FAM186B: variants seen among roughly 807,000 people sequenced by gnomAD.
FAM186B encodes family with sequence similarity 186 member B, also known as protein FAM186B.
Under a neutral mutation model 83.4 loss-of-function variants are expected in FAM186B, and 68 were observed. The observed-to-expected ratio is 0.81, with a 90% CI of 0.67 to 1.00. FAM186B has a LOEUF of 1.00. Ranked by LOEUF, FAM186B falls within the 50% of genes least tolerant of loss-of-function variation. The pLI is 0.00. For missense variants in FAM186B, 983 were observed against 1,099.2 expected (o/e 0.89, Z 1.49); for synonymous variants, 389 against 422.0 (o/e 0.92, Z 0.96).
At position 49,598,739 on chromosome 12, in the gene FAM186B, A is replaced by C; in HGVS notation, c.2364+16T>G. On this transcript the variant is annotated intron_variant, in intron 5 of 6. Coordinates refer to ENST00000257894, the MANE Select transcript of FAM186B (RefSeq NM_032130.3). ...CAGGAGGCGGAGTGGCGGGGGGGTC[A>C]GGGCGGGAGGCCCACCTTGGGGAAC... The C allele has an allele frequency of 6.5e-7, 1 of 1,545,382 alleles. No homozygotes were observed.
the FAM186B span, among the ~76,000 whole-genome samples, chr12:49,622,140 T>C: frequency 1.3e-5 from 2 of 152,264 alleles, no homozygotes; most frequent in African/African-American, 2.4e-5. Flanking sequence ...CCAGCTGCGC[T>C]GGCATCGCGG....
Position 49,603,897 on chromosome 12 carries a change from G to C in FAM186B, c.322+416C>G, listed in dbSNP as rs188809249. Among the ~76,000 whole-genome samples the C allele has an allele frequency of 3.3e-5, 5 of 152,252 alleles. No individual in the cohort carries two copies. The East Asian group carries it at 7.7e-4, about 24-fold the overall frequency. ...GTGATGGGATGACTCTGAGCTGAGT[G>C]GGGGGTAGCACTTAGCTTTAGGGTT... On this transcript the variant is annotated intron_variant, in intron 2 of 6. Coordinates refer to ENST00000257894, the MANE Select transcript of FAM186B (RefSeq NM_032130.3).
the FAM186B span, among the ~76,000 whole-genome samples, chr12:49,616,178 C>G: frequency 6.6e-6 from 1 of 151,890 alleles, no homozygotes; most frequent in Non-Finnish European, 1.5e-5. Flanking sequence ...TACAGGTGCC[C>G]GCCACCATGC....
At chr12:49,585,239 C>CA (rs1939416601), downstream of FAM186B, among the ~76,000 whole-genome samples, 1 of 152,112 alleles carries the variant, frequency 6.6e-6, no homozygotes, top group Non-Finnish European at 1.5e-5. Context: ...AGGATGGTCT[C>CA]AATCTCCTGA....
chr12:49,597,318 G>A (rs1436675337), intron 5 of FAM186B, among the ~76,000 whole-genome samples: 1 of 152,184 alleles, frequency 6.6e-6, no homozygotes, highest in African/African-American at 2.4e-5. Flanking sequence ...CAATATGGTT[G>A]GCCCCGGAGG....
At chr12:49,594,826 G>T (rs2138266113) in intron 5 of FAM186B, among the ~76,000 whole-genome samples, 1 of 151,008 alleles carries the variant, frequency 6.6e-6, no homozygotes, top group South Asian at 2.1e-4. Context: ...AGTGAGCCAA[G>T]ATAGCACAAC....
At chr12:49,599,263 C>T (rs904373326) in intron 4 of FAM186B, among the ~76,000 whole-genome samples, 1 of 152,188 alleles carries the variant, frequency 6.6e-6, no homozygotes, top group Admixed American at 6.5e-5. Context: ...GAGCAGTGCT[C>T]AGTGCCCTTC....
At chr12:49,603,047 C>T in intron 3 of FAM186B, 138 bp downstream of exon 3, 1 of 910,362 alleles carries the variant, frequency 1.1e-6, no homozygotes, top group Non-Finnish European at 1.7e-6. Flanking sequence ...CAGCCCCTCA[C>T]CACTGCCCAT....
At chr12:49,617,155 G>A in the FAM186B span, among the ~76,000 whole-genome samples, 29 of 152,268 alleles carry the variant, frequency 1.9e-4, no homozygotes, top group Admixed American at 4.6e-4. Context: ...TCGCTAGCCC[G>A]GGAGAGATGT....
chr12:49,606,645 T>G (rs1323518739), upstream of FAM186B, among the ~76,000 whole-genome samples: 4 of 152,164 alleles, frequency 2.6e-5, no homozygotes, highest in African/African-American at 9.7e-5. Flanking sequence ...GTAAAAAGCT[T>G]CCAGAACTGA....
chr12:49,588,339 G>T, intron 6 of FAM186B, 115 bp downstream of exon 6: 1 of 1,293,732 alleles, frequency 7.7e-7, no homozygotes, highest in Non-Finnish European at 1.1e-6. Context: ...AACTCGTAGG[G>T]TGATATTGGC....
downstream of FAM186B, chr12:49,587,474 A>G (rs1025280865): frequency 2.2e-5 from 29 of 1,303,552 alleles, no homozygotes; most frequent in African/African-American, 2.6e-4. Context: ...GCCTCTCTCT[A>G]TCTGGTGTGG....
chr12:49,612,460 C>G, the FAM186B span, among the ~76,000 whole-genome samples: 1 of 151,020 alleles, frequency 6.6e-6, no homozygotes, highest in Non-Finnish European at 1.5e-5. Flanking sequence ...CTGCATGTGG[C>G]CCAGGACAGC....
chr12:49,588,707 T>C, intron 5 of FAM186B, 84 bp from the exon 6 acceptor site: 1 of 1,403,244 alleles, frequency 7.1e-7, no homozygotes, highest in Middle Eastern at 2.0e-4. Flanking sequence ...TGTTTGTTGG[T>C]GCCCCTGCTG....
chr12:49,599,637 G>C lies in FAM186B; in HGVS notation c.2003C>G (p.Ala668Gly). 6.2e-7 allele frequency: 1 copy of C among 1,608,356 alleles called. No individual in the cohort carries two copies. Among genetic ancestry groups the C allele is most frequent in the Non-Finnish European group, 8.5e-7 (1 of 1,177,294 alleles). ...KKKVYHMDME[A>G]QRKNLQLLSE... ...CAGGAGCTGCAGGTTCTTCCTCTGGGCCTCCATGTCCATGTGGTACACCTT... is the reference window on the plus strand; with the variant it reads ...CAGGAGCTGCAGGTTCTTCCTCTGGCCCTCCATGTCCATGTGGTACACCTT... Residue 668 changes from alanine to glycine, a missense_variant, in exon 4 of 7, where the codon GCC (alanine) becomes GGC (glycine). Transcript: ENST00000257894.
At chr12:49,601,229 C>G in intron 3 of FAM186B, 95 bp from the exon 4 acceptor site, 1 of 1,466,338 alleles carries the variant, frequency 6.8e-7, no homozygotes, top group Non-Finnish European at 9.0e-7. Flanking sequence ...ATGGCAACCC[C>G]CTTAGGGATT....
intron 5 of FAM186B, among the ~76,000 whole-genome samples, chr12:49,590,219 T>C (rs1325322135): frequency 6.6e-6 from 1 of 152,164 alleles, no homozygotes; most frequent in African/African-American, 2.4e-5. Flanking sequence ...GTATGGCCCA[T>C]AGATTAGTAA....
At chr12:49,616,362 A>G in the FAM186B span, among the ~76,000 whole-genome samples, 1 of 152,218 alleles carries the variant, frequency 6.6e-6, no homozygotes, top group Non-Finnish European at 1.5e-5. Context: ...ATTAGCATAT[A>G]GCCCAGCAAT....
upstream of FAM186B, among the ~76,000 whole-genome samples, chr12:49,610,157 C>A (rs1220707840): frequency 7.6e-4 from 112 of 148,018 alleles, no homozygotes; most frequent in South Asian, 1.5e-3. Context: ...AAAAAAAAAA[C>A]CGATATTATA....
Sources: gnomAD v4.1 joint callset for allele counts (sites outside exome capture counted in the v4.1 genomes callset) on GRCh38, gnomAD v4.1.1 for gene constraint, MANE v1.5 for transcripts, NCBI Gene and HGNC (gene_info 2026-07-23, HGNC 2026-07-21) for gene names.